The following SUPT3H variants were observed in gnomAD, a reference collection of about 807,000 sequenced individuals.
SUPT3H encodes the protein transcription initiation protein SPT3 homolog.
SUPT3H carries 44 observed loss-of-function variants against 44.3 expected under a neutral mutation model. The ratio of observed to expected loss-of-function variants is 0.99; its 90% CI spans 0.78 to 1.28. The LOEUF is 1.28. Among genes scored for constraint, SUPT3H ranks in the 50% most tolerant of loss-of-function variants. The pLI is 0.00. For missense variants in SUPT3H, 380 were observed against 387.1 expected (o/e 0.98, Z 0.15); for synonymous variants, 124 against 125.6 (o/e 0.99, Z 0.09).
At chr6:45,313,668 A>AAT (rs2150000758) in intron 2 of SUPT3H, among the ~76,000 whole-genome samples, 1 of 151,458 alleles carries the variant, frequency 6.6e-6, no homozygotes, top group African/African-American at 2.4e-5. Context: ...AAAAAAAAAA[A>AAT]AAGTCCACGA....
intron 3 of SUPT3H, among the ~76,000 whole-genome samples, chr6:45,023,262 C>CA (rs557483683): frequency 0.055 from 6,806 of 123,378 alleles, 184 homozygotes; most frequent in African/African-American, 0.08. Flanking sequence ...ATTAAAAAGT[C>CA]AAAAAAAAAA....
intron 2 of SUPT3H, among the ~76,000 whole-genome samples, chr6:45,311,573 G>A (rs1334960731): frequency 6.6e-6 from 1 of 152,110 alleles, no homozygotes; most frequent in Non-Finnish European, 1.5e-5. Flanking sequence ...AAAAGTACCA[G>A]GTAACCTATA....
At chr6:45,025,622 G>A (rs191651406) in intron 3 of SUPT3H, among the ~76,000 whole-genome samples, 48 of 152,274 alleles carry the variant, frequency 3.2e-4, no homozygotes, top group Admixed American at 2.9e-3. Context: ...GGTGGCTCAC[G>A]CCTGTAATCC....
intron 2 of SUPT3H, among the ~76,000 whole-genome samples, chr6:45,230,687 T>TATATA (rs1562747092): frequency 4.0e-5 from 4 of 99,700 alleles, no homozygotes; most frequent in South Asian, 3.1e-4. Context: ...TATATATATA[T>TATATA]TTTTGAGATG....
chr6:45,268,961 A>T (rs1775693345), intron 2 of SUPT3H, among the ~76,000 whole-genome samples: 1 of 152,182 alleles, frequency 6.6e-6, no homozygotes, highest in Non-Finnish European at 1.5e-5. Context: ...CTTCAAAAAG[A>T]TGGTGTCATG....
chr6:44,960,761 A>G (rs1186179388), intron 7 of SUPT3H, among the ~76,000 whole-genome samples: 1 of 152,146 alleles, frequency 6.6e-6, no homozygotes, highest in Non-Finnish European at 1.5e-5. Context: ...AATGCTTCAC[A>G]GATGTATGAT....
At position 45,279,788 on chromosome 6, in the gene SUPT3H, A is replaced by G. The variant is rs1194779188; in HGVS notation, c.101+85413T>C. Among the ~76,000 whole-genome samples, 3 of 152,220 alleles carry G rather than the reference A, an allele frequency of 2.0e-5. No homozygotes were observed. The East Asian group carries it at 5.8e-4, about 29-fold the overall frequency. ...TTATACAAAGACATCTATAAAAGCT[A>G]TCATATTGATAGAGCTGTTATATCC... On this transcript the variant is annotated intron_variant, in intron 2 of 10. Coordinates refer to ENST00000371459, the MANE Select transcript of SUPT3H (RefSeq NM_003599.4).
chr6:45,163,661 T>C (rs1032143408), intron 2 of SUPT3H, among the ~76,000 whole-genome samples: 1 of 152,154 alleles, frequency 6.6e-6, no homozygotes, highest in Admixed American at 6.6e-5. Flanking sequence ...CAAGGACCAC[T>C]ATCTTTTTAC....
chr6:44,885,154 T>A (rs900934478), intron 10 of SUPT3H, among the ~76,000 whole-genome samples: 6 of 152,222 alleles, frequency 3.9e-5, no homozygotes, highest in African/African-American at 1.4e-4. Context: ...CAAGGGGACC[T>A]GCCTGCCTCT....
intron 1 of SUPT3H, among the ~76,000 whole-genome samples, chr6:45,376,150 T>C (rs539681051): frequency 3.1e-4 from 47 of 152,358 alleles, no homozygotes; most frequent in African/African-American, 1.0e-3. Context: ...AATCTGGCAT[T>C]AGCTGTACAA....
chr6:45,328,632 C>T (rs748443174), intron 2 of SUPT3H: 2 of 1,608,906 alleles, frequency 1.2e-6, no homozygotes. Flanking sequence ...AAAACTAAAA[C>T]AAGGTTTGGG....
chr6:45,328,361 G>A (rs1263482089), intron 2 of SUPT3H: 5 of 1,383,636 alleles, frequency 3.6e-6, no homozygotes, highest in Non-Finnish European at 3.9e-6. Context: ...AGAACCACAA[G>A]TGCGGTGCAA....
chr6:44,922,449 A>C (rs625943), intron 10 of SUPT3H, among the ~76,000 whole-genome samples: 10,589 of 152,188 alleles, frequency 0.07, 1,228 homozygotes, highest in African/African-American at 0.24. Flanking sequence ...TTTGTTGACT[A>C]AAGTTATGTA....
At chr6:44,858,437 G>A (rs1250340121) in intron 10 of SUPT3H, among the ~76,000 whole-genome samples, 1 of 152,160 alleles carries the variant, frequency 6.6e-6, no homozygotes, top group East Asian at 1.9e-4. Context: ...AAGAAGCTGA[G>A]ACACAGAGAA....
At chr6:45,184,452 C>G (rs1232145076) in intron 2 of SUPT3H, among the ~76,000 whole-genome samples, 1 of 152,058 alleles carries the variant, frequency 6.6e-6, no homozygotes, top group Non-Finnish European at 1.5e-5. Context: ...TATTACTCCA[C>G]TATAATAATG....
chr6:44,890,526 G>A (rs1478743033), intron 10 of SUPT3H, among the ~76,000 whole-genome samples: 5 of 146,178 alleles, frequency 3.4e-5, no homozygotes, highest in Admixed American at 7.1e-5. Context: ...ACCAGACACC[G>A]CATATTCTCA....
intron 2 of SUPT3H, among the ~76,000 whole-genome samples, chr6:45,313,240 A>G (rs1642921190): frequency 6.6e-6 from 1 of 152,192 alleles, no homozygotes; most frequent in South Asian, 2.1e-4. Flanking sequence ...CTACAGAAAC[A>G]AGAACAAACC....
rs935127800 is a variant in SUPT3H, at chr6:44,977,747, T to C, written c.505-15919A>G. Among the ~76,000 whole-genome samples the C allele has an allele frequency of 9.2e-5, 14 of 152,308 alleles. 1 individual carries two copies. The East Asian group carries it at 2.7e-3, about 29-fold the overall frequency. On this transcript the variant is annotated intron_variant, in intron 6 of 10. Coordinates refer to ENST00000371459, the MANE Select transcript of SUPT3H (RefSeq NM_003599.4). ...AACTCCTTATTCAGATATAAAATTT[T>C]CTATCTGATCAAGTAAAATTATGCA...
intron 2 of SUPT3H, among the ~76,000 whole-genome samples, chr6:45,298,784 A>G (rs1781681608): frequency 1.3e-5 from 2 of 152,162 alleles, no homozygotes; most frequent in Non-Finnish European, 2.9e-5. Context: ...CCTCTCCACT[A>G]AAGTAACTCT....
Sources: gnomAD v4.1 joint callset for allele counts (sites outside exome capture counted in the v4.1 genomes callset) on GRCh38, gnomAD v4.1.1 for gene constraint, MANE v1.5 for transcripts, NCBI Gene and HGNC (gene_info 2026-07-23, HGNC 2026-07-21) for gene names.